Variants in ZNF469 observed in about 807,000 individuals in gnomAD.
ZNF469 encodes the protein zinc finger protein 469.
In ZNF469, 1 loss-of-function variant was observed where a neutral mutation model predicts 1.0. That is an observed-to-expected ratio of 1.00 (90% CI 0.35 to 4.73). The LOEUF (loss-of-function observed/expected upper bound fraction) is 4.73. Among genes scored for constraint, ZNF469 ranks in the 30% most tolerant of loss-of-function variants. The pLI, the probability that ZNF469 is intolerant of heterozygous loss-of-function variation, is 0.16. For synonymous variants in ZNF469, 2,703 were observed against 2,363.4 expected (o/e 1.14, Z -4.17); for missense variants, 6,100 against 5,356.3 (o/e 1.14, Z -4.33).
At chr16:88,322,791 C>T in the ZNF469 span, among the ~76,000 whole-genome samples, 5 of 152,286 alleles carry the variant, frequency 3.3e-5, no homozygotes, top group East Asian at 1.9e-4. Context: ...CAGGAGAATC[C>T]GTGGGATGGG....
chr16:88,296,931 G>A, the ZNF469 span, among the ~76,000 whole-genome samples: 2 of 152,236 alleles, frequency 1.3e-5, no homozygotes, highest in African/African-American at 2.4e-5. Flanking sequence ...TTTTGAAGCA[G>A]GGCCATTTCG....
intron 1 of ZNF469, among the ~76,000 whole-genome samples, chr16:88,398,765 G>A (rs1182529440): frequency 6.6e-6 from 1 of 152,136 alleles, no homozygotes; most frequent in African/African-American, 2.4e-5. Context: ...CAGCAGGATG[G>A]ACTTGGACTT....
the ZNF469 span, among the ~76,000 whole-genome samples, chr16:88,211,314 C>T: frequency 1.3e-5 from 2 of 152,156 alleles, no homozygotes; most frequent in African/African-American, 2.4e-5. Flanking sequence ...AGGTTAGAAG[C>T]CTTAGTACAG....
the ZNF469 span, among the ~76,000 whole-genome samples, chr16:88,243,953 A>AG: frequency 1.0e-3 from 40 of 38,858 alleles, 1 homozygote; most frequent in African/African-American, 3.0e-3. Flanking sequence ...TATATATATA[A>AG]ATGTATGTGT....
At chr16:88,356,829 G>T in the ZNF469 span, among the ~76,000 whole-genome samples, 1 of 152,254 alleles carries the variant, frequency 6.6e-6, no homozygotes, top group African/African-American at 2.4e-5. Context: ...AGCCGCATCA[G>T]TTCCTGGAGA....
the ZNF469 span, among the ~76,000 whole-genome samples, chr16:88,350,065 T>C: frequency 0.062 from 9,417 of 152,214 alleles, 406 homozygotes; most frequent in South Asian, 0.14. Context: ...GCTTCTGCCA[T>C]GGCCCAGCCC....
the ZNF469 span, among the ~76,000 whole-genome samples, chr16:88,346,551 C>T: frequency 1.4e-4 from 22 of 152,236 alleles, no homozygotes; most frequent in Non-Finnish European, 2.5e-4. Context: ...CAGGGTCTCG[C>T]GCTGTTGCCC....
chr16:88,372,072 C>CATG, the ZNF469 span, among the ~76,000 whole-genome samples: 17 of 3,560 alleles, frequency 4.8e-3, no homozygotes, highest in African/African-American at 0.014. Context: ...CCATCATCAC[C>CATG]ATCACCACCA....
rs1290822210 is a variant in ZNF469, at chr16:88,430,597, G to A, written c.3127G>A (p.Gly1043Ser). 1.3e-6 allele frequency: 2 copies of A among 1,500,532 alleles called. No individual in the cohort carries two copies. The highest frequency in any genetic ancestry group is 1.8e-6 in the Non-Finnish European group (2 of 1,130,610). The allele number at this position is 1,500,532 out of a possible 1,614,324, so 93.0% of individuals were successfully genotyped here. A position where few individuals can be genotyped will look rare whatever the true frequency, so the allele number is the denominator to read the frequency against. The change falls in exon 3 of 3, where the codon GGC becomes AGC. Residue 1043 changes from glycine to serine, a missense_variant. Transcript: ENST00000565624. Reference protein sequence around the residue: ...RKDPRKRKARGGAWGKELILK... With the variant: ...RKDPRKRKARSGAWGKELILK... ...GGACCCCAGGAAGAGGAAGGCTCGG[G>A]GCGGCGCCTGGGGCAAGGAGCTCAT...
the ZNF469 span, among the ~76,000 whole-genome samples, chr16:88,220,008 C>T: frequency 6.6e-6 from 1 of 152,228 alleles, no homozygotes; most frequent in Admixed American, 6.5e-5. Flanking sequence ...GCTCACCTTC[C>T]TGGTTCTCCC....
chr16:88,391,821 C>T (rs1904499882), intron 1 of ZNF469, among the ~76,000 whole-genome samples: 1 of 152,180 alleles, frequency 6.6e-6, no homozygotes, highest in Non-Finnish European at 1.5e-5. Flanking sequence ...CATTTTGAAC[C>T]CTGTGCAGGC....
chr16:88,155,841 A>T, the ZNF469 span, among the ~76,000 whole-genome samples: 1 of 152,146 alleles, frequency 6.6e-6, no homozygotes, highest in Admixed American at 6.6e-5. Flanking sequence ...GTTTAACTTG[A>T]GAAGCTGCAC....
chr16:88,280,068 C>G, the ZNF469 span, among the ~76,000 whole-genome samples: 1 of 151,178 alleles, frequency 6.6e-6, no homozygotes, highest in Non-Finnish European at 1.5e-5. Flanking sequence ...TGCTGCATCA[C>G]GCCGACACTC....
chr16:88,280,143 T>C, the ZNF469 span, among the ~76,000 whole-genome samples: 236 of 139,606 alleles, frequency 1.7e-3, 2 homozygotes, highest in Non-Finnish European at 2.8e-3. Flanking sequence ...CGGTCAGTAC[T>C]GTGTAGATAT....
chr16:88,433,392 G>T lies in ZNF469; in HGVS notation c.5922G>T (p.Gln1974His). Residue 1974 changes from glutamine to histidine, a missense_variant, in exon 3 of 3, where the codon CAG becomes CAT. Coordinates refer to ENST00000565624, the MANE Select transcript of ZNF469 (RefSeq NM_001367624.2). ...VTTLPAVAGH[Q>H]LGLEADGHWG... ...CTCTCCCTGCAGTGGCCGGACATCA[G>T]CTGGGGCTGGAGGCAGATGGACATT... is the stretch of plus-strand genomic sequence containing the variant. 2 of 1,550,346 alleles carry T rather than the reference G, an allele frequency of 1.3e-6. No homozygotes were observed. Among genetic ancestry groups the T allele is most frequent in the Non-Finnish European group, 8.7e-7 (1 of 1,146,954 alleles).
At chr16:88,419,138 C>T (rs1165694688) in intron 1 of ZNF469, among the ~76,000 whole-genome samples, 1 of 152,216 alleles carries the variant, frequency 6.6e-6, no homozygotes, top group African/African-American at 2.4e-5. Flanking sequence ...TGCTGCCCAG[C>T]GGTGCTGGCA....
the ZNF469 span, among the ~76,000 whole-genome samples, chr16:88,180,617 TA>T: frequency 6.6e-6 from 1 of 151,866 alleles, no homozygotes; most frequent in African/African-American, 2.4e-5. Flanking sequence ...ACTAAAAATA[TA>T]AAAAAATTAG....
chr16:88,229,635 A>G, the ZNF469 span, among the ~76,000 whole-genome samples: 1 of 142,738 alleles, frequency 7.0e-6, no homozygotes, highest in African/African-American at 2.6e-5. Flanking sequence ...TGTGGATGTC[A>G]CGTGTGTGTG....
chr16:88,381,116 A>G (rs555141236), upstream of ZNF469, among the ~76,000 whole-genome samples: 2 of 143,436 alleles, frequency 1.4e-5, no homozygotes, highest in Admixed American at 6.8e-5. Context: ...GCACTCGCAC[A>G]CACGCACACA....
Sources: allele counts gnomAD v4.1 joint callset (sites outside exome capture counted in the v4.1 genomes callset), GRCh38; gene constraint gnomAD v4.1.1; transcripts MANE v1.5; gene names NCBI Gene and HGNC (gene_info 2026-07-23, HGNC 2026-07-21).